Variants in DIPK1A observed in about 807,000 individuals in gnomAD.
DIPK1A encodes family with sequence similarity 69 member A.
DIPK1A carries 27 observed loss-of-function variants against 40.8 expected under a neutral mutation model. The ratio of observed to expected loss-of-function variants is 0.66; its 90% CI spans 0.49 to 0.91. The LOEUF (loss-of-function observed/expected upper bound fraction) is 0.91, where lower values mean the gene tolerates loss of function less well. DIPK1A is among the 40% of genes least tolerant of loss of function. The pLI is 0.00. For missense variants in DIPK1A, 412 were observed against 505.7 expected, an observed-to-expected ratio of 0.81 and a Z score of 1.78; for synonymous variants, 166 against 171.3, an observed-to-expected ratio of 0.97 and a Z score of 0.24.
chr1:92,931,671 T>C lies in DIPK1A; in HGVS notation c.54+29705A>G, dbSNP rs542705829. The C allele has an allele frequency of 3.1e-5, 5 of 161,290 alleles. No homozygotes were observed. The South Asian group carries it at 8.7e-4, about 28-fold the overall frequency. The allele number at this position is 161,290 out of a possible 1,614,324, so 10.0% of individuals were successfully genotyped here. The stretch of plus-strand genomic sequence containing the variant: ...CTTCAAAGTTTAGTTGATAATGATA[T>C]GGTTGACTGTGAGAGAACTGGAACT... On this transcript the variant is annotated intron_variant, in intron 1 of 4. Transcript: ENST00000370310.
intron 1 of DIPK1A, among the ~76,000 whole-genome samples, chr1:92,905,006 T>G (rs755391564): frequency 1.2e-4 from 19 of 152,186 alleles, no homozygotes; most frequent in Non-Finnish European, 2.4e-4. Flanking sequence ...TATGGCTGAA[T>G]AGTACTCCAT....
At chr1:92,907,669 T>C (rs961800374) in intron 1 of DIPK1A, among the ~76,000 whole-genome samples, 2 of 152,010 alleles carry the variant, frequency 1.3e-5, no homozygotes, top group East Asian at 1.9e-4. Context: ...TGAACTCCCC[T>C]GGGCTCAAGT....
downstream of DIPK1A, chr1:92,837,359 G>T (rs1171190400): frequency 2.9e-6 from 3 of 1,049,326 alleles, no homozygotes; most frequent in South Asian, 3.8e-5. Flanking sequence ...TGCGATAATT[G>T]TTTCAAGACG....
At chr1:92,949,861 A>G (rs1571151215) in intron 1 of DIPK1A, among the ~76,000 whole-genome samples, 1 of 152,330 alleles carries the variant, frequency 6.6e-6, no homozygotes, top group African/African-American at 2.4e-5. Flanking sequence ...AAAACTCTGT[A>G]TCTTTACAAT....
At chr1:92,852,038 C>T (rs1687841649) in intron 2 of DIPK1A, among the ~76,000 whole-genome samples, 1 of 152,348 alleles carries the variant, frequency 6.6e-6, no homozygotes, top group South Asian at 2.1e-4. Flanking sequence ...AGCAGCTTCA[C>T]TACCAGCTCA....
intron 2 of DIPK1A, among the ~76,000 whole-genome samples, chr1:92,870,113 CAT>C (rs1553126798): frequency 8.7e-5 from 13 of 149,526 alleles, no homozygotes; most frequent in Middle Eastern, 3.4e-3. Context: ...CACACACACA[CAT>C]ATCTGTTGCT....
At position 92,876,431 on chromosome 1, in the gene DIPK1A, C is replaced by T. The variant is rs772507146; in HGVS notation, c.55-1G>A. On this transcript the variant is annotated splice_acceptor_variant, in intron 1 of 4. Coordinates refer to ENST00000370310, the MANE Select transcript of DIPK1A (RefSeq NM_001006605.5). LOFTEE classifies it high-confidence loss of function. Reference sequence around the variant, plus strand: ...TCATCCGCACATATGAGAAGCGAGCCTGTGAGTAAAAAAGAACATAACGAT... The same window carrying T: ...TCATCCGCACATATGAGAAGCGAGCTTGTGAGTAAAAAAGAACATAACGAT... 5 of 1,610,728 alleles carry T rather than the reference C, an allele frequency of 3.1e-6. No individual in the cohort carries two copies. The highest frequency in any genetic ancestry group is 4.2e-6 in the Non-Finnish European group (5 of 1,178,886).
At chr1:92,953,715 T>TG (rs1023079363) in intron 1 of DIPK1A, among the ~76,000 whole-genome samples, 30 of 152,128 alleles carry the variant, frequency 2.0e-4, no homozygotes, top group Admixed American at 5.2e-4. Context: ...AAGCAGAATG[T>TG]GGTCACCAAG....
chr1:92,945,388 A>C (rs1651322316), intron 1 of DIPK1A, among the ~76,000 whole-genome samples: 1 of 152,178 alleles, frequency 6.6e-6, no homozygotes, highest in South Asian at 2.1e-4. Flanking sequence ...GAACTGATAG[A>C]GTGTGAGAAA....
chr1:92,870,237 T>G (rs750257604), intron 2 of DIPK1A, among the ~76,000 whole-genome samples: 13 of 152,230 alleles, frequency 8.5e-5, no homozygotes, highest in African/African-American at 2.4e-4. Context: ...TTTTAATTTT[T>G]ATTTTGTAAA....
chr1:92,843,437 T>G lies in DIPK1A; in HGVS notation c.1233A>C (p.Leu411=). ...NQMEMEHSLI[L]NNLKTLLWKK... ...TCCACAATAATGTTTTTAGGTTATT[T>G]AGTATCAAAGAATGTTCCATTTCCA... The change falls in exon 5 of 5, where the codon CTA becomes CTC. Residue 411 remains leucine (L), a synonymous_variant. Transcript: ENST00000370310. 6.4e-7 allele frequency: 1 copy of G among 1,550,738 alleles called. No homozygotes were observed. Among genetic ancestry groups the G allele is most frequent in the Non-Finnish European group, 8.7e-7 (1 of 1,146,622 alleles).
intron 1 of DIPK1A, among the ~76,000 whole-genome samples, chr1:92,912,862 A>G (rs974168622): frequency 6.6e-6 from 1 of 152,118 alleles, no homozygotes; most frequent in Non-Finnish European, 1.5e-5. Context: ...GCACTTTGGG[A>G]GGGCGAGGAA....
intron 1 of DIPK1A, among the ~76,000 whole-genome samples, chr1:92,950,316 G>C (rs906303226): frequency 2.0e-5 from 3 of 152,156 alleles, no homozygotes; most frequent in African/African-American, 7.2e-5. Context: ...GATTGATAGA[G>C]CAAATGGTGC....
At chr1:92,948,447 A>G (rs567790651) in intron 1 of DIPK1A, among the ~76,000 whole-genome samples, 2 of 150,992 alleles carry the variant, frequency 1.3e-5, no homozygotes, top group East Asian at 3.9e-4. Context: ...AAAGGTAATT[A>G]ACTTTTTTCT....
intron 1 of DIPK1A, among the ~76,000 whole-genome samples, chr1:92,951,988 G>A (rs1479542981): frequency 1.6e-5 from 2 of 124,568 alleles, no homozygotes; most frequent in Admixed American, 1.1e-4. Context: ...GCCCCCCAGA[G>A]GACAACTTAT....
rs1267040401 is a variant in DIPK1A, at chr1:92,843,202, T to C, written c.*181A>G. Reference sequence around the variant, plus strand: ...CTTCTAAAAGGGCAGGAATGACATCTTGGGGACCTGTTGATCCTACACCTG... The same window carrying C: ...CTTCTAAAAGGGCAGGAATGACATCCTGGGGACCTGTTGATCCTACACCTG... On this transcript the variant is annotated 3_prime_UTR_variant, in exon 5 of 5. Coordinates refer to ENST00000370310, the MANE Select transcript of DIPK1A (RefSeq NM_001006605.5). 1 of 1,378,576 alleles carries C rather than the reference T, an allele frequency of 7.3e-7. No homozygotes were observed. The highest frequency in any genetic ancestry group is 9.4e-7 in the Non-Finnish European group (1 of 1,063,770). 85.4% of individuals were successfully genotyped at this position (1,378,576 alleles called of 1,614,324 possible).
chr1:92,933,257 A>C (rs963904423), intron 1 of DIPK1A: 1 of 152,220 alleles, frequency 6.6e-6, no homozygotes, highest in African/African-American at 2.4e-5. Flanking sequence ...AAAAATCAAC[A>C]GAACTAAAAC....
intron 1 of DIPK1A, 89 bp downstream of exon 1, chr1:92,961,287 G>C: frequency 1.0e-6 from 1 of 975,300 alleles, no homozygotes; most frequent in African/African-American, 1.7e-5. Flanking sequence ...CCCAGGGAGG[G>C]AGGAGGGGAG....
chr1:92,882,583 T>C (rs558453004), intron 1 of DIPK1A, among the ~76,000 whole-genome samples: 1 of 152,354 alleles, frequency 6.6e-6, no homozygotes. Flanking sequence ...AAGCATATTC[T>C]ATTTCGACTT....
Sources: gnomAD v4.1 joint callset for allele counts (sites outside exome capture counted in the v4.1 genomes callset) on GRCh38, gnomAD v4.1.1 for gene constraint, MANE v1.5 for transcripts, NCBI Gene and HGNC (gene_info 2026-07-23, HGNC 2026-07-21) for gene names.